The following FCRL1 variants were observed in gnomAD, a reference collection of about 807,000 sequenced individuals.
The protein encoded by FCRL1 is Fc receptor like 1.
A neutral mutation model predicts 49.2 loss-of-function variants in FCRL1; 34 were observed. That is an observed-to-expected ratio of 0.69 (90% confidence interval 0.53 to 0.92). The LOEUF (loss-of-function observed/expected upper bound fraction) is 0.92. Ranked by LOEUF, FCRL1 falls within the 40% of genes least tolerant of loss-of-function variation. The probability of loss-of-function intolerance (pLI) is 0.00; values close to 1 mark genes in which losing one functional copy is unlikely to be tolerated. For missense variants in FCRL1, 524 were observed against 524.1 expected, an observed-to-expected ratio of 1.00 and a Z score of 0.00; for synonymous variants, 218 against 201.6, an observed-to-expected ratio of 1.08 and a Z score of -0.69.
chr1:157,818,947 G>T (rs940548549), intron 1 of FCRL1, among the ~76,000 whole-genome samples: 1 of 152,090 alleles, frequency 6.6e-6, no homozygotes, highest in Non-Finnish European at 1.5e-5. Flanking sequence ...GAGGGTCATG[G>T]GCCTAATGCA....
chr1:157,819,195 T>C (rs1404067843), intron 1 of FCRL1, among the ~76,000 whole-genome samples: 1 of 152,178 alleles, frequency 6.6e-6, no homozygotes, highest in East Asian at 1.9e-4. Context: ...TGGAGCAACA[T>C]GGACTGTGAA....
At chr1:157,815,140 T>C (rs1654853243) in intron 1 of FCRL1, among the ~76,000 whole-genome samples, 1 of 151,922 alleles carries the variant, frequency 6.6e-6, no homozygotes, top group Non-Finnish European at 1.5e-5. Context: ...TCACCCAATA[T>C]CTGCAGAATT....
At chr1:157,819,296 T>C (rs1557931080) in intron 1 of FCRL1, among the ~76,000 whole-genome samples, 1 of 125,840 alleles carries the variant, frequency 7.9e-6, no homozygotes, top group East Asian at 2.4e-4. Context: ...GGTTGTGCAT[T>C]TAAAAAAAAA....
intron 1 of FCRL1, among the ~76,000 whole-genome samples, chr1:157,814,838 A>G (rs1265416180): frequency 6.6e-6 from 1 of 152,052 alleles, no homozygotes; most frequent in Non-Finnish European, 1.5e-5. Context: ...ATTTAAGTCA[A>G]AAACTATAAA....
Position 157,795,071 on chromosome 1 carries a change from A to G in FCRL1, c.*1028T>C, listed in dbSNP as rs1651279286. The G allele has an allele frequency of 6.6e-6, 1 of 152,240 alleles. No homozygotes were observed. The highest frequency in any genetic ancestry group is 1.5e-5 in the Non-Finnish European group (1 of 68,040). 9.4% of individuals were successfully genotyped at this position (152,240 alleles called of 1,614,324 possible). Reference sequence around the variant, plus strand: ...AGGAAAGACTTTAACTTTTTACTTTATATACCTCCAAATGTTTATTAATTC... The same window carrying G: ...AGGAAAGACTTTAACTTTTTACTTTGTATACCTCCAAATGTTTATTAATTC... On this transcript the variant is annotated 3_prime_UTR_variant, in exon 11 of 11. Coordinates refer to ENST00000368176, the MANE Select transcript of FCRL1 (RefSeq NM_052938.5).
In FCRL1 at chr1:157,807,106, A is replaced by T. The variant is rs1653600150; in HGVS notation, c.48T>A (p.Pro16=). ...AGAAAAGGAAGTGCAACTCACCGGC[A>T]GGTTCACAGAGTGGAGCTGGGAGAG... ...LLLICAPLCE[P]AELFLIASPS... Residue 16 remains proline, a synonymous_variant, in exon 2 of 11, where the codon CCT becomes CCA. Transcript: ENST00000368176. The T allele has an allele frequency of 1.2e-6, 2 of 1,613,758 alleles. No homozygotes were observed. The highest frequency in any genetic ancestry group is 1.7e-6 in the Non-Finnish European group (2 of 1,179,882).
At position 157,820,086 on chromosome 1, in the gene FCRL1, G is replaced by A; in HGVS notation, c.-49C>T. On this transcript the variant is annotated 5_prime_UTR_variant, in exon 1 of 11. Transcript: ENST00000368176. ...CTAGAGATGCCTCTCATCAAAAAAA[G>A]AATGCACCTCAGAGTCGAGCAGCAG... 1 of 1,607,704 alleles carries A rather than the reference G, an allele frequency of 6.2e-7. No individual in the cohort carries two copies. Among genetic ancestry groups the A allele is most frequent in the Non-Finnish European group, 8.5e-7 (1 of 1,174,256 alleles).
intron 1 of FCRL1, among the ~76,000 whole-genome samples, chr1:157,811,464 G>C (rs1458050888): frequency 1.3e-5 from 2 of 152,094 alleles, no homozygotes; most frequent in Admixed American, 6.5e-5. Flanking sequence ...GAAAACAAAA[G>C]GTAAAGAAGT....
intron 1 of FCRL1, 36 bp from the exon 2 acceptor site, chr1:157,807,158 G>T: frequency 6.2e-7 from 1 of 1,600,094 alleles, no homozygotes; most frequent in South Asian, 1.1e-5. Flanking sequence ...GTACAGAGCA[G>T]CAAATCCCAC....
intron 1 of FCRL1, among the ~76,000 whole-genome samples, chr1:157,817,009 A>T (rs955137327): frequency 1.3e-5 from 2 of 151,998 alleles, no homozygotes; most frequent in Non-Finnish European, 2.9e-5. Context: ...ATTGAAGAAG[A>T]TGCAAATAAA....
At chr1:157,812,865 A>G (rs1297830692) in intron 1 of FCRL1, among the ~76,000 whole-genome samples, 2 of 152,190 alleles carry the variant, frequency 1.3e-5, no homozygotes, top group Non-Finnish European at 1.5e-5. Context: ...ATGATGGTCT[A>G]TGAGGAAAAG....
chr1:157,804,069 C>T lies in FCRL1; in HGVS notation c.95G>A (p.Ser32Asn). The T allele has an allele frequency of 1.9e-6, 3 of 1,614,180 alleles. No individual in the cohort carries two copies. Among genetic ancestry groups the T allele is most frequent in the Non-Finnish European group, 2.5e-6 (3 of 1,180,032 alleles). ...CATCTTACACGTCAGGGTCACTGGG[C>T]TCCCCTCTGTGGGATGGGAGGGGCT... ...IASPSHPTEG[S>N]PVTLTCKMPF... is the part of the protein sequence containing the mutation. The change falls in exon 3 of 11, where the codon AGC (serine) becomes AAC (asparagine). Residue 32 changes from serine to asparagine, a missense_variant. By Grantham distance (46) the Ser-to-Asn change is conservative. Coordinates refer to ENST00000368176, the MANE Select transcript of FCRL1 (RefSeq NM_052938.5).
chr1:157,806,308 T>C (rs1653430421), intron 2 of FCRL1, among the ~76,000 whole-genome samples: 1 of 152,232 alleles, frequency 6.6e-6, no homozygotes, highest in South Asian at 2.1e-4. Flanking sequence ...ACTTGGGAAC[T>C]TGTGTTCCCT....
intron 5 of FCRL1, 83 bp downstream of exon 5, chr1:157,801,832 G>A (rs1652525508): frequency 1.3e-6 from 2 of 1,510,386 alleles, no homozygotes; most frequent in Non-Finnish European, 1.8e-6. Flanking sequence ...CAAACCCCCG[G>A]AAGCACAGTG....
intron 1 of FCRL1, among the ~76,000 whole-genome samples, chr1:157,816,804 G>C (rs952283402): frequency 6.6e-6 from 1 of 151,424 alleles, no homozygotes; most frequent in African/African-American, 2.4e-5. Flanking sequence ...TAGATAGATA[G>C]ATAGATAGAT....
At chr1:157,818,428 C>T (rs1311175495) in intron 1 of FCRL1, among the ~76,000 whole-genome samples, 1 of 151,908 alleles carries the variant, frequency 6.6e-6, no homozygotes, top group Non-Finnish European at 1.5e-5. Context: ...TGCATTATCT[C>T]ACTCATGTGG....
At chr1:157,804,448 G>A in intron 2 of FCRL1, among the ~76,000 whole-genome samples, 1 of 152,140 alleles carries the variant, frequency 6.6e-6, no homozygotes, top group Non-Finnish European at 1.5e-5. Context: ...GACTGTTACT[G>A]GAGTCGGCAT....
intron 1 of FCRL1, among the ~76,000 whole-genome samples, chr1:157,807,590 G>A (rs1653678231): frequency 6.6e-6 from 1 of 152,186 alleles, no homozygotes; most frequent in African/African-American, 2.4e-5. Context: ...AACAGAGTCA[G>A]GCAAGGAGAG....
rs1651332938 is a variant in FCRL1, at chr1:157,795,440, G to C, written c.*659C>G. The C allele has an allele frequency of 6.6e-6, 1 of 152,172 alleles. No individual in the cohort carries two copies. Among genetic ancestry groups the C allele is most frequent in the Non-Finnish European group, 1.5e-5 (1 of 68,026 alleles). 9.4% of individuals were successfully genotyped at this position (152,172 alleles called of 1,614,324 possible). On this transcript the variant is annotated 3_prime_UTR_variant, in exon 11 of 11. Coordinates refer to ENST00000368176, the MANE Select transcript of FCRL1 (RefSeq NM_052938.5). ...TTTTGTGAATAAAAGAAGACACACT[G>C]TATTTATAAAGCTTCTAGGGGCTGT... is the stretch of plus-strand genomic sequence containing the variant.
Sources: allele counts gnomAD v4.1 joint callset (sites outside exome capture counted in the v4.1 genomes callset), GRCh38; gene constraint gnomAD v4.1.1; transcripts MANE v1.5; gene names NCBI Gene and HGNC (gene_info 2026-07-23, HGNC 2026-07-21).